Variants in PIGN observed in about 807,000 individuals in gnomAD.
The protein encoded by PIGN is GPI ethanolamine phosphate transferase 1.
Under a neutral mutation model 125.4 loss-of-function variants are expected in PIGN, and 117 were observed. The observed-to-expected ratio is 0.93, with a 90% CI of 0.80 to 1.09. The LOEUF is 1.09. PIGN is among the 50% of genes least tolerant of loss of function. The pLI, the probability that PIGN is intolerant of heterozygous loss-of-function variation, is 0.00. For synonymous variants in PIGN, 392 were observed against 377.8 expected, an observed-to-expected ratio of 1.04 and a Z score of -0.44; for missense variants, 1,075 against 1,094.9, an observed-to-expected ratio of 0.98 and a Z score of 0.26.
chr18:62,148,112 T>G lies in PIGN; in HGVS notation c.674+102A>C. On this transcript the variant is annotated intron_variant, in intron 8 of 30. Coordinates refer to ENST00000640252, the MANE Select transcript of PIGN (RefSeq NM_176787.5). ...TAAACATTACAGTAGTTGTTTAAAATATTAGCTCTGTTGTTATAATTCCAA... is the reference window on the plus strand; with the variant it reads ...TAAACATTACAGTAGTTGTTTAAAAGATTAGCTCTGTTGTTATAATTCCAA... The G allele has an allele frequency of 8.0e-6, 7 of 871,148 alleles. No homozygotes were observed. The Middle Eastern group carries it at 9.1e-4, about 113-fold the overall frequency. 54.0% of individuals were successfully genotyped at this position (871,148 alleles called of 1,614,324 possible).
intron 29 of PIGN, among the ~76,000 whole-genome samples, chr18:62,073,366 G>C (rs2032998983): frequency 2.0e-5 from 3 of 152,114 alleles, no homozygotes; most frequent in Admixed American, 2.0e-4. Context: ...TGGATAGAAA[G>C]AAGTTTCTGG....
At chr18:62,024,704 C>G (rs1406455627) in intron 23 of PIGN, among the ~76,000 whole-genome samples, 1 of 152,118 alleles carries the variant, frequency 6.6e-6, no homozygotes, top group African/African-American at 2.4e-5. Flanking sequence ...TCAAATATTA[C>G]TGACTGGGTA....
At chr18:62,171,465 T>C (rs2037342951) in intron 1 of PIGN, among the ~76,000 whole-genome samples, 1 of 152,220 alleles carries the variant, frequency 6.6e-6, no homozygotes, top group African/African-American at 2.4e-5. Context: ...ATTTACATCT[T>C]ATGCTTTTTA....
In PIGN at chr18:62,142,505, T is replaced by G. The variant is rs115786200; in HGVS notation, c.963+801A>C. The stretch of plus-strand genomic sequence containing the variant: ...ACTTTATATGTTCATGTTCATTTAC[T>G]TGGGTAGTATGCATCTATCCCAGGA... On this transcript the variant is annotated intron_variant, in intron 11 of 30. Coordinates refer to ENST00000640252, the MANE Select transcript of PIGN (RefSeq NM_176787.5). 4.9e-3 allele frequency among the ~76,000 whole-genome samples: 740 copies of G among 152,318 alleles called. 9 individuals are homozygous for G. The highest frequency in any genetic ancestry group is 0.017 in the African/African-American group (707 of 41,586).
In PIGN at chr18:62,090,462, CT is replaced by C. The variant is rs2033902872; in HGVS notation, c.2283+13del. 2.6e-6 allele frequency: 4 copies of C among 1,514,216 alleles called. No homozygotes were observed. The highest frequency in any genetic ancestry group is 3.7e-6 in the Non-Finnish European group (4 of 1,095,384). 93.8% of individuals were successfully genotyped at this position (1,514,216 alleles called of 1,614,324 possible). A position where few individuals can be genotyped will look rare whatever the true frequency, so the allele number is the denominator to read the frequency against. On this transcript the variant is annotated intron_variant, in intron 24 of 30. Transcript: ENST00000640252. The stretch of plus-strand genomic sequence containing the variant: ...TAGTCTCAAATAAAAACAAAAATGA[CT>C]TTGACCAGCTACCTTTTGTTTACAG...
chr18:62,111,481 T>C (rs1469378423), intron 16 of PIGN, among the ~76,000 whole-genome samples: 1 of 152,180 alleles, frequency 6.6e-6, no homozygotes, highest in Non-Finnish European at 1.5e-5. Flanking sequence ...TAAAATATGA[T>C]AGTCTTTTTA....
At chr18:62,047,033 C>G (rs937460652) in intron 30 of PIGN, among the ~76,000 whole-genome samples, 4 of 152,216 alleles carry the variant, frequency 2.6e-5, no homozygotes, top group African/African-American at 9.7e-5. Context: ...AACAATAATA[C>G]CACCACCACA....
chr18:62,065,743 A>C (rs901924125), intron 30 of PIGN, among the ~76,000 whole-genome samples: 3 of 152,182 alleles, frequency 2.0e-5, no homozygotes, highest in African/African-American at 7.2e-5. Context: ...CTCCAAAAAA[A>C]AATAAAAATA....
rs139782575 is a variant in PIGN, at chr18:62,079,717, G to GA, written c.2576+2955dup. On this transcript the variant is annotated intron_variant, in intron 28 of 30. Transcript: ENST00000640252. The stretch of plus-strand genomic sequence containing the variant: ...CCTGGTAGATATGATAACTGTAGAA[G>GA]AAAAAAAAAAAAACTCTGGCAGGAG... Among the ~76,000 whole-genome samples the GA allele has an allele frequency of 5.5e-3, 562 of 102,726 alleles. 3 individuals are homozygous for GA. The highest frequency in any genetic ancestry group is 7.5e-3 in the African/African-American group (210 of 28,070). The allele number at this position is 102,726 out of a possible 152,430, so 67.4% of individuals were successfully genotyped here. A position where few individuals can be genotyped will look rare whatever the true frequency, so the allele number is the denominator to read the frequency against.
intron 14 of PIGN, among the ~76,000 whole-genome samples, chr18:62,126,181 A>T (rs2035528656): frequency 6.6e-6 from 1 of 152,096 alleles, no homozygotes; most frequent in Non-Finnish European, 1.5e-5. Flanking sequence ...TATATATATC[A>T]CAAAATACCA....
At chr18:62,181,659 A>C (rs1383978074) in intron 1 of PIGN, among the ~76,000 whole-genome samples, 1 of 151,744 alleles carries the variant, frequency 6.6e-6, no homozygotes, top group African/African-American at 2.4e-5. Context: ...TCATCTACTC[A>C]CCTCGGCCTC....
At position 62,101,108 on chromosome 18, in the gene PIGN, G is replaced by C; in HGVS notation, c.2044C>G (p.Leu682Val). The part of the protein sequence containing the change: ...SSLLRKQGLP[L>V]MNQIISWATL... The stretch of plus-strand genomic sequence containing the variant: ...GCCCAGCTAATAATTTGATTCATGA[G>C]AGGCAGTCCTTGCTTCCTGAGTAGA... The change falls in exon 22 of 31, where the codon CTC (leucine) becomes GTC (valine). Residue 682 changes from leucine (L) to valine (V), a missense_variant. Coordinates refer to ENST00000640252, the MANE Select transcript of PIGN (RefSeq NM_176787.5). 1.9e-6 allele frequency: 3 copies of C among 1,610,652 alleles called. No homozygotes were observed. The highest frequency in any genetic ancestry group is 2.5e-6 in the Non-Finnish European group (3 of 1,177,142).
chr18:62,035,110 A>G (rs1172648274), intron 23 of PIGN, among the ~76,000 whole-genome samples: 1 of 152,110 alleles, frequency 6.6e-6, no homozygotes, highest in African/African-American at 2.4e-5. Context: ...GCTCCCCTGC[A>G]CATGCTTTTT....
intron 30 of PIGN, chr18:62,069,722 T>C (rs1385746191): frequency 6.6e-6 from 1 of 152,186 alleles, no homozygotes; most frequent in Non-Finnish European, 1.5e-5. Flanking sequence ...GATTAATGCA[T>C]TCAGAGTTTG....
At position 62,140,432 on chromosome 18, in the gene PIGN, A is replaced by G; in HGVS notation, c.1011T>C (p.Pro337=). The G allele has an allele frequency of 6.6e-7, 1 of 1,513,694 alleles. No individual in the cohort carries two copies. The highest frequency in any genetic ancestry group is 9.1e-7 in the Non-Finnish European group (1 of 1,102,710). 93.8% of individuals were successfully genotyped at this position (1,513,694 alleles called of 1,614,324 possible). A position where few individuals can be genotyped will look rare whatever the true frequency, so the allele number is the denominator to read the frequency against. ...LMTSLIGVPF[P]LNSVGILPVD... ...TTTTATTCCTTACCACTGAGTTAAG[A>G]GGAAAGGGAACTCCAATAAGGGAAG... Residue 337 remains proline (P), a synonymous_variant, in exon 12 of 31, where the codon CCT becomes CCC. Coordinates refer to ENST00000640252, the MANE Select transcript of PIGN (RefSeq NM_176787.5).
chr18:62,139,508 TGTCGGGGTCA>T (rs2147155602), intron 12 of PIGN, among the ~76,000 whole-genome samples: 1 of 152,360 alleles, frequency 6.6e-6, no homozygotes, highest in Admixed American at 6.5e-5. Context: ...ACACTATGAC[TGTCGGGGTCA>T]TATTACTTAG....
At chr18:62,128,990 C>T (rs1312750032) in intron 14 of PIGN, among the ~76,000 whole-genome samples, 1 of 152,120 alleles carries the variant, frequency 6.6e-6, no homozygotes, top group Non-Finnish European at 1.5e-5. Flanking sequence ...AATTCCCTTC[C>T]AAGGACAATG....
intron 22 of PIGN, among the ~76,000 whole-genome samples, chr18:62,097,473 G>T (rs894307799): frequency 1.4e-5 from 2 of 146,776 alleles, no homozygotes; most frequent in Admixed American, 1.4e-4. Flanking sequence ...TACACTGTTG[G>T]TGGGACTGTA....
At chr18:62,155,160 C>A (rs767748273) in intron 6 of PIGN, among the ~76,000 whole-genome samples, 1 of 152,016 alleles carries the variant, frequency 6.6e-6, no homozygotes, top group Non-Finnish European at 1.5e-5. Flanking sequence ...TTGCTTATTG[C>A]CAAAGAGTTT....
Sources: allele counts gnomAD v4.1 joint callset (sites outside exome capture counted in the v4.1 genomes callset), GRCh38; gene constraint gnomAD v4.1.1; transcripts MANE v1.5; gene names NCBI Gene and HGNC (gene_info 2026-07-23, HGNC 2026-07-21).